Variants in FHIT observed in about 807,000 individuals in gnomAD.
The protein encoded by FHIT is bis(5'-adenosyl)-triphosphatase.
A neutral mutation model predicts 17.9 loss-of-function variants in FHIT; 19 were observed. The observed-to-expected ratio is 1.06, with a 90% CI of 0.74 to 1.56. FHIT has a LOEUF of 1.56. FHIT is among the 40% of genes most tolerant of loss of function. The pLI, the probability that FHIT is intolerant of heterozygous loss-of-function variation, is 0.00. For missense variants in FHIT, 248 were observed against 189.2 expected (o/e 1.31, Z -1.82); for synonymous variants, 81 against 69.7 (o/e 1.16, Z -0.81).
At chr3:60,603,991 T>C (rs1226248788) in intron 4 of FHIT, among the ~76,000 whole-genome samples, 2 of 152,162 alleles carry the variant, frequency 1.3e-5, no homozygotes, top group African/African-American at 4.8e-5. Context: ...ACGAAGAGAC[T>C]AAGAACAGCT....
intron 5 of FHIT, among the ~76,000 whole-genome samples, chr3:60,058,564 T>C (rs377621742): frequency 2.0e-4 from 30 of 152,330 alleles, no homozygotes; most frequent in African/African-American, 7.0e-4. Flanking sequence ...TTATGTTATG[T>C]GTAGTTTGCC....
chr3:60,610,542 A>G (rs782494474), intron 4 of FHIT, among the ~76,000 whole-genome samples: 47 of 152,156 alleles, frequency 3.1e-4, no homozygotes, highest in Non-Finnish European at 5.7e-4. Context: ...CCAAAGCCCT[A>G]TGTAAGTATT....
intron 2 of FHIT, among the ~76,000 whole-genome samples, chr3:61,128,580 G>A (rs966893242): frequency 2.6e-5 from 4 of 152,210 alleles, no homozygotes; most frequent in East Asian, 1.9e-4. Context: ...GCCCGTCCTA[G>A]TTTGGTGTTC....
intron 3 of FHIT, among the ~76,000 whole-genome samples, chr3:60,878,895 G>T (rs1274993081): frequency 6.6e-6 from 1 of 152,118 alleles, no homozygotes; most frequent in African/African-American, 2.4e-5. Context: ...ATCATTGTTG[G>T]ATATATGGGT....
chr3:60,386,742 A>C (rs1207582909), intron 5 of FHIT, among the ~76,000 whole-genome samples: 3 of 152,176 alleles, frequency 2.0e-5, no homozygotes, highest in African/African-American at 4.8e-5. Context: ...TAACAAAGAA[A>C]CCAACCTACA....
intron 8 of FHIT, among the ~76,000 whole-genome samples, chr3:59,922,140 GA>G (rs1331693569): frequency 1.3e-5 from 2 of 152,108 alleles, no homozygotes; most frequent in Admixed American, 6.5e-5. Flanking sequence ...GTTTTCATTT[GA>G]AAAAGAAAAT....
chr3:60,270,109 G>A (rs1333753371), intron 5 of FHIT, among the ~76,000 whole-genome samples: 2 of 152,186 alleles, frequency 1.3e-5, no homozygotes, highest in Non-Finnish European at 2.9e-5. Flanking sequence ...CATGGGATGA[G>A]GTTGTATCTG....
chr3:61,236,203 ATAT>A (rs1471256692), intron 1 of FHIT, among the ~76,000 whole-genome samples: 2 of 147,916 alleles, frequency 1.4e-5, no homozygotes, highest in African/African-American at 2.5e-5. Context: ...AATATATAGT[ATAT>A]TATATTATAT....
intron 8 of FHIT, among the ~76,000 whole-genome samples, chr3:59,903,633 GA>G (rs1704438978): frequency 6.6e-6 from 1 of 152,152 alleles, no homozygotes; most frequent in Non-Finnish European, 1.5e-5. Flanking sequence ...GTGAGGTCTA[GA>G]AGAGGAGGAT....
intron 5 of FHIT, among the ~76,000 whole-genome samples, chr3:60,184,971 A>G (rs1387331718): frequency 6.6e-6 from 1 of 151,966 alleles, no homozygotes; most frequent in Admixed American, 6.6e-5. Flanking sequence ...ATTGTGATTT[A>G]TTTTGTTGTG....
intron 5 of FHIT, among the ~76,000 whole-genome samples, chr3:60,209,870 G>A (rs1908771): frequency 6.6e-6 from 1 of 151,794 alleles, no homozygotes; most frequent in Non-Finnish European, 1.5e-5. Context: ...CACTCATAAG[G>A]GGGAGTTGAA....
chr3:59,765,823 G>A (rs1701767976), intron 8 of FHIT, among the ~76,000 whole-genome samples: 1 of 152,136 alleles, frequency 6.6e-6, no homozygotes, highest in Non-Finnish European at 1.5e-5. Flanking sequence ...ATCTAGTAAT[G>A]ACCAACATCC....
chr3:61,037,058 C>G (rs1048973243), intron 3 of FHIT, among the ~76,000 whole-genome samples: 1 of 152,004 alleles, frequency 6.6e-6, no homozygotes, highest in Non-Finnish European at 1.5e-5. Flanking sequence ...ACTACAGGCA[C>G]CCGCCACTGC....
intron 7 of FHIT, among the ~76,000 whole-genome samples, chr3:59,958,172 G>T (rs1159868092): frequency 2.0e-5 from 3 of 152,194 alleles, no homozygotes; most frequent in African/African-American, 7.2e-5. Flanking sequence ...TGGAAAGTAG[G>T]CAGTGTTGAA....
At position 61,024,508 on chromosome 3, in the gene FHIT, T is replaced by G. The variant is rs570768506; in HGVS notation, c.-111+17539A>C. 2.9e-3 allele frequency among the ~76,000 whole-genome samples: 438 copies of G among 152,280 alleles called. 4 individuals are homozygous for G. Among genetic ancestry groups the G allele is most frequent in the African/African-American group, 0.01 (423 of 41,578 alleles). ...AAGGGAAGAGCTTCTGTTTGGCTTT[T>G]CTTTTTCTTTTTAAGAAAAAAATTC... is the stretch of plus-strand genomic sequence containing the variant. On this transcript the variant is annotated intron_variant, in intron 3 of 9. Coordinates refer to ENST00000492590, the MANE Select transcript of FHIT (RefSeq NM_002012.4).
chr3:61,188,565 C>T (rs1261652325), intron 2 of FHIT, among the ~76,000 whole-genome samples: 1 of 152,164 alleles, frequency 6.6e-6, no homozygotes, highest in Non-Finnish European at 1.5e-5. Flanking sequence ...AGAGGGAATC[C>T]TCCCTAACTC....
chr3:59,899,692 A>G (rs1704237234), intron 8 of FHIT, among the ~76,000 whole-genome samples: 1 of 151,988 alleles, frequency 6.6e-6, no homozygotes, highest in African/African-American at 2.4e-5. Context: ...AAAACAAAAA[A>G]AAAATTAGCT....
intron 8 of FHIT, among the ~76,000 whole-genome samples, chr3:59,856,096 G>C (rs1702145561): frequency 6.6e-6 from 1 of 151,956 alleles, no homozygotes. Context: ...ATAAACCTTT[G>C]ACAATATCGA....
chr3:60,525,781 A>G (rs1386693061), intron 5 of FHIT, among the ~76,000 whole-genome samples: 1 of 152,196 alleles, frequency 6.6e-6, no homozygotes, highest in Non-Finnish European at 1.5e-5. Context: ...CGTTAAAGGC[A>G]GAGTGGTCTT....
Sources: allele counts gnomAD v4.1 joint callset (sites outside exome capture counted in the v4.1 genomes callset), GRCh38; gene constraint gnomAD v4.1.1; transcripts MANE v1.5; gene names NCBI Gene and HGNC (gene_info 2026-07-23, HGNC 2026-07-21).